The following LNX1 variants were observed in gnomAD, a reference collection of about 807,000 sequenced individuals.
LNX1 encodes ligand of numb-protein X 1.
Under a neutral mutation model 68.4 loss-of-function variants are expected in LNX1, and 54 were observed. That is an observed-to-expected ratio of 0.79 (90% confidence interval 0.63 to 0.99). LNX1 has a LOEUF of 0.99. Among genes scored for constraint, LNX1 ranks in the 50% least tolerant of loss-of-function variants. The probability of loss-of-function intolerance (pLI) is 0.00; values close to 1 mark genes in which losing one functional copy is unlikely to be tolerated. For synonymous variants in LNX1, 336 were observed against 350.0 expected (o/e 0.96, Z 0.45); for missense variants, 906 against 926.4 (o/e 0.98, Z 0.29).
At chr4:53,489,370 G>T (rs61052522) in intron 6 of LNX1, among the ~76,000 whole-genome samples, 23,829 of 152,082 alleles carry the variant, frequency 0.16, 2,422 homozygotes, top group Admixed American at 0.26. Flanking sequence ...TAGATGCAAA[G>T]ACATTAATGA....
At chr4:53,602,446 G>A (rs1459879900) in intron 2 of LNX1, among the ~76,000 whole-genome samples, 1 of 152,190 alleles carries the variant, frequency 6.6e-6, no homozygotes, top group Non-Finnish European at 1.5e-5. Flanking sequence ...TCAGGAACAA[G>A]CCTGTCTTAG....
At chr4:53,648,298 C>T (rs1482293957) in intron 1 of LNX1, among the ~76,000 whole-genome samples, 1 of 152,180 alleles carries the variant, frequency 6.6e-6, no homozygotes, top group Non-Finnish European at 1.5e-5. Context: ...TTGATAGTAG[C>T]CATGCTAATG....
chr4:53,530,324 G>C (rs1218561765), intron 2 of LNX1, among the ~76,000 whole-genome samples: 4 of 151,836 alleles, frequency 2.6e-5, no homozygotes, highest in Non-Finnish European at 5.9e-5. Flanking sequence ...ACATATAAAA[G>C]GTATACAAAA....
At chr4:53,565,345 C>T (rs1577722177) in intron 2 of LNX1, among the ~76,000 whole-genome samples, 1 of 152,044 alleles carries the variant, frequency 6.6e-6, no homozygotes, top group Admixed American at 6.5e-5. Flanking sequence ...TGACCCCTGA[C>T]CCCCGAGCAG....
At chr4:53,462,223 T>C (rs1466433333) in intron 9 of LNX1, among the ~76,000 whole-genome samples, 1 of 152,076 alleles carries the variant, frequency 6.6e-6, no homozygotes, top group African/African-American at 2.4e-5. Flanking sequence ...TAGGAAGTTA[T>C]AAAAGGAATG....
At chr4:53,553,073 T>A (rs1476568967) in intron 2 of LNX1, among the ~76,000 whole-genome samples, 2 of 152,118 alleles carry the variant, frequency 1.3e-5, no homozygotes, top group Non-Finnish European at 2.9e-5. Context: ...GCAAATTCAT[T>A]CAATTTGGTT....
Position 53,459,885 on chromosome 4 carries a change from G to A in LNX1, c.*1022C>T, listed in dbSNP as rs1721494712. ...ATTAAAACTAGTCTTTATCATTACT[G>A]CTGTGACACTCTTGCTTAGTATATT... On this transcript the variant is annotated 3_prime_UTR_variant, in exon 11 of 11. Transcript: ENST00000263925. 4.3e-6 allele frequency: 1 copy of A among 232,314 alleles called. No homozygotes were observed. The highest frequency in any genetic ancestry group is 2.2e-5 in the African/African-American group (1 of 44,772). The allele number at this position is 232,314 out of a possible 1,614,324, so 14.4% of individuals were successfully genotyped here. A position where few individuals can be genotyped will look rare whatever the true frequency, so the allele number is the denominator to read the frequency against.
At chr4:53,589,450 T>C (rs1377957586) in intron 1 of LNX1, among the ~76,000 whole-genome samples, 1 of 152,254 alleles carries the variant, frequency 6.6e-6, no homozygotes, top group Non-Finnish European at 1.5e-5. Flanking sequence ...ATCTTTATCT[T>C]GATAGAGTCA....
intron 1 of LNX1, among the ~76,000 whole-genome samples, chr4:53,651,309 A>C (rs1406963056): frequency 1.3e-5 from 2 of 152,208 alleles, no homozygotes; most frequent in African/African-American, 4.8e-5. Context: ...CCTGCTCTGC[A>C]CTGCGTCAGC....
At chr4:53,521,292 C>A (rs1399054316) in intron 2 of LNX1, among the ~76,000 whole-genome samples, 1 of 152,142 alleles carries the variant, frequency 6.6e-6, no homozygotes, top group African/African-American at 2.4e-5. Context: ...GTTGTCAGAG[C>A]TTGATATCGA....
intron 2 of LNX1, chr4:53,524,135 G>A (rs1484730467): frequency 1.3e-5 from 2 of 152,108 alleles, no homozygotes; most frequent in African/African-American, 4.8e-5. Context: ...GATATGGTTT[G>A]ATAAGAAATA....
intron 1 of LNX1, among the ~76,000 whole-genome samples, chr4:53,629,183 G>A (rs1194216273): frequency 2.0e-5 from 3 of 152,008 alleles, no homozygotes; most frequent in Non-Finnish European, 4.4e-5. Context: ...CACTGTCCAC[G>A]GCAAATATAC....
chr4:53,551,214 C>T (rs1384273267), intron 2 of LNX1, among the ~76,000 whole-genome samples: 1 of 152,066 alleles, frequency 6.6e-6, no homozygotes, highest in Non-Finnish European at 1.5e-5. Flanking sequence ...AGTTTCTCCC[C>T]GAGGCCTCAT....
At chr4:53,521,736 G>T (rs1040821747) in intron 2 of LNX1, among the ~76,000 whole-genome samples, 3 of 152,160 alleles carry the variant, frequency 2.0e-5, no homozygotes, top group African/African-American at 7.2e-5. Context: ...TGCAGGAAAT[G>T]CTATTATATT....
At chr4:53,531,529 T>C (rs1728023486) in intron 2 of LNX1, among the ~76,000 whole-genome samples, 2 of 152,198 alleles carry the variant, frequency 1.3e-5, no homozygotes, top group East Asian at 1.9e-4. Flanking sequence ...TGGGACAATA[T>C]TTAGTTTTCA....
upstream of LNX1, among the ~76,000 whole-genome samples, chr4:53,622,133 TA>T (rs1262483187): frequency 6.6e-6 from 1 of 152,202 alleles, no homozygotes; most frequent in Middle Eastern, 3.2e-3. Flanking sequence ...TAGATATTTT[TA>T]AAAACATGAT....
intron 2 of LNX1, among the ~76,000 whole-genome samples, chr4:53,516,668 G>A (rs1726810864): frequency 6.6e-6 from 1 of 152,206 alleles, no homozygotes; most frequent in Admixed American, 6.5e-5. Flanking sequence ...TTTGTCCTAT[G>A]TGACACCAAT....
In LNX1 at chr4:53,573,640, C is replaced by T. The variant is rs761451479; in HGVS notation, c.363G>A (p.Glu121=). ...GGACCTACCTGGTTTGAAAGTGATG[C>T]TCGAGGTCACAGCGCTGCAACACCT... ...CTQVLQRCDL[E]HHFQTSCKGA... Residue 121 remains glutamate, a synonymous_variant, in exon 2 of 11, where the codon GAG becomes GAA. Transcript: ENST00000263925. 71 of 1,602,570 alleles carry T rather than the reference C, an allele frequency of 4.4e-5. No homozygotes were observed. The Middle Eastern group carries it at 6.6e-4, about 15-fold the overall frequency.
intron 2 of LNX1, chr4:53,522,849 CCCCCAGAGAAA>C (rs1727329955): frequency 6.6e-6 from 1 of 152,134 alleles, no homozygotes; most frequent in Non-Finnish European, 1.5e-5. Context: ...TGTAATTCCA[CCCCCAGAGAAA>C]ACTGCTGCTA....
Sources: gnomAD v4.1 joint callset for allele counts (sites outside exome capture counted in the v4.1 genomes callset) on GRCh38, gnomAD v4.1.1 for gene constraint, MANE v1.5 for transcripts, NCBI Gene and HGNC (gene_info 2026-07-23, HGNC 2026-07-21) for gene names.